Variants in CUX1 observed in about 807,000 individuals in gnomAD.
CUX1 encodes the protein cut like homeobox 1.
Under a neutral mutation model 158.8 loss-of-function variants are expected in CUX1, and 31 were observed. The ratio of observed to expected loss-of-function variants is 0.20; its 90% CI spans 0.15 to 0.26. CUX1 has a LOEUF of 0.26. Among genes scored for constraint, CUX1 ranks in the 10% least tolerant of loss-of-function variants. The pLI is 1.00. For missense variants in CUX1, 1,589 were observed against 2,014.6 expected, an observed-to-expected ratio of 0.79 and a Z score of 4.04; for synonymous variants, 879 against 862.1, an observed-to-expected ratio of 1.02 and a Z score of -0.34.
At chr7:102,101,969 T>TG (rs2130955737) in intron 5 of CUX1, among the ~76,000 whole-genome samples, 1 of 151,980 alleles carries the variant, frequency 6.6e-6, no homozygotes, top group Non-Finnish European at 1.5e-5. Flanking sequence ...TGTAGACCAT[T>TG]GACGTAGCAG....
chr7:102,195,694 G>A, intron 14 of CUX1, 91 bp downstream of exon 14: 3 of 1,175,066 alleles, frequency 2.6e-6, no homozygotes, highest in Non-Finnish European at 3.6e-6. Context: ...AGTCTGGACA[G>A]ATGCATGGCC....
chr7:102,095,911 T>A (rs1829126954), intron 4 of CUX1, among the ~76,000 whole-genome samples: 1 of 152,244 alleles, frequency 6.6e-6, no homozygotes. Context: ...TAATTGCCTC[T>A]TAGGCAGCAG....
intron 6 of CUX1, among the ~76,000 whole-genome samples, chr7:102,107,253 A>G (rs1461428308): frequency 1.3e-5 from 2 of 151,674 alleles, no homozygotes; most frequent in African/African-American, 4.8e-5. Flanking sequence ...AAGAAAAGAA[A>G]AGAGGCTGGG....
intron 5 of CUX1, among the ~76,000 whole-genome samples, chr7:102,100,138 C>G (rs1419512895): frequency 6.6e-6 from 1 of 151,962 alleles, no homozygotes; most frequent in Admixed American, 6.6e-5. Flanking sequence ...AAATTACAGG[C>G]ATGGTTGGGC....
At chr7:102,234,520 T>A (rs1355923430) in intron 22 of CUX1, among the ~76,000 whole-genome samples, 1 of 152,106 alleles carries the variant, frequency 6.6e-6, no homozygotes, top group Non-Finnish European at 1.5e-5. Context: ...GGCGCTGCAT[T>A]TGGTTTTTGT....
chr7:102,056,356 G>A (rs1395652143), intron 3 of CUX1, among the ~76,000 whole-genome samples: 2 of 152,114 alleles, frequency 1.3e-5, no homozygotes, highest in Non-Finnish European at 2.9e-5. Context: ...AATGCAGGCC[G>A]ACTCTCGTTA....
chr7:102,165,737 G>A (rs973009785), intron 9 of CUX1, among the ~76,000 whole-genome samples: 30 of 152,208 alleles, frequency 2.0e-4, no homozygotes, highest in African/African-American at 6.7e-4. Flanking sequence ...TGGGGGGCCC[G>A]TGGAACTTCT....
At chr7:101,985,540 G>T (rs553198762) in intron 2 of CUX1, among the ~76,000 whole-genome samples, 1 of 152,224 alleles carries the variant, frequency 6.6e-6, no homozygotes, top group African/African-American at 2.4e-5. Flanking sequence ...GGAGAATGCC[G>T]TGGAGACTTG....
At chr7:101,919,129 C>T (rs112849747) in intron 2 of CUX1, among the ~76,000 whole-genome samples, 1 of 152,130 alleles carries the variant, frequency 6.6e-6, no homozygotes, top group Non-Finnish European at 1.5e-5. Context: ...TGGTGGGAGT[C>T]GGGGGCTGTG....
chr7:102,249,733 A>G lies in CUX1; in HGVS notation c.*691A>G, dbSNP rs1801285758. ...AAAAAGAAAGTTTTTGTAGCTGTTC[A>G]GTTGCCACTAAGAGATTGCACAGTC... is the stretch of plus-strand genomic sequence containing the variant. On this transcript the variant is annotated 3_prime_UTR_variant, in exon 24 of 24. Coordinates refer to ENST00000292535, the MANE Select transcript of CUX1 (RefSeq NM_181552.4). 1.2e-6 allele frequency: 1 copy of G among 856,956 alleles called. No individual in the cohort carries two copies. The allele number at this position is 856,956 out of a possible 1,614,324, so 53.1% of individuals were successfully genotyped here.
intron 16 of CUX1, 28 bp downstream of exon 16, chr7:102,198,895 C>T (rs1554519028): frequency 3.7e-6 from 6 of 1,600,032 alleles, no homozygotes; most frequent in South Asian, 1.1e-5. Flanking sequence ...GTTTTCTTTG[C>T]AGTCAGTCAC....
At chr7:102,045,004 G>A (rs758568477) in intron 3 of CUX1, among the ~76,000 whole-genome samples, 52 of 152,168 alleles carry the variant, frequency 3.4e-4, no homozygotes, top group Non-Finnish European at 6.5e-4. Context: ...TGGTGGAGGT[G>A]ACAGTGGTGT....
intron 23 of CUX1, among the ~76,000 whole-genome samples, chr7:102,246,015 C>T (rs1294037015): frequency 6.6e-6 from 1 of 151,884 alleles, no homozygotes; most frequent in Non-Finnish European, 1.5e-5. Flanking sequence ...TTATTTCTCA[C>T]AGAATGCTAT....
rs1240278850 is a variant in CUX1, at chr7:102,253,944, T to G, written c.*4902T>G. ...CATTGTCCCTTCTACCTCACTAACC[T>G]GTCTTCTCCATCTGATGTCACCCAG... On this transcript the variant is annotated 3_prime_UTR_variant, in exon 24 of 24. Transcript: ENST00000292535. The G allele has an allele frequency of 2.0e-6, 2 of 985,430 alleles. No individual in the cohort carries two copies. The highest frequency in any genetic ancestry group is 3.5e-5 in the African/African-American group (2 of 57,204). 61.0% of individuals were successfully genotyped at this position (985,430 alleles called of 1,614,324 possible).
At position 102,104,353 on chromosome 7, in the gene CUX1, C is replaced by T; in HGVS notation, c.424C>T (p.Leu142Phe). Reference sequence around the variant, plus strand: ...TTCTGCAGAGGTTACGATAAAAGCACTTAAAGAGAAAATCCGAGAATATGA... The same window carrying T: ...TTCTGCAGAGGTTACGATAAAAGCATTTAAAGAGAAAATCCGAGAATATGA... ...VKNQEVTIKALKEKIREYEQT... is the reference protein window; with the variant it reads ...VKNQEVTIKAFKEKIREYEQT... Residue 142 changes from leucine (L) to phenylalanine (F), a missense_variant, in exon 6 of 24, where the codon CTT (leucine) becomes TTT (phenylalanine). Physicochemically the swap from Leu to Phe is conservative, Grantham distance 22 (BLOSUM62 0). Coordinates refer to ENST00000292535, the MANE Select transcript of CUX1 (RefSeq NM_181552.4). 6.2e-7 allele frequency: 1 copy of T among 1,607,200 alleles called. No individual in the cohort carries two copies.
At chr7:102,092,424 G>A (rs797035590) in intron 4 of CUX1, among the ~76,000 whole-genome samples, 4 of 152,230 alleles carry the variant, frequency 2.6e-5, no homozygotes, top group African/African-American at 9.6e-5. Context: ...GGCCTTCCCT[G>A]TCCCCTTGTC....
chr7:102,257,626 T>C lies in CUX1; in HGVS notation c.*8584T>C, dbSNP rs1790036832. Reference sequence around the variant, plus strand: ...GCCTTGAGAGCGGGTAGCACCACGCTCCTGTCCAGACTACTAACAGCACAA... The same window carrying C: ...GCCTTGAGAGCGGGTAGCACCACGCCCCTGTCCAGACTACTAACAGCACAA... On this transcript the variant is annotated 3_prime_UTR_variant, in exon 24 of 24. Transcript: ENST00000292535. The C allele has an allele frequency of 1.0e-6, 1 of 985,246 alleles. No individual in the cohort carries two copies. Among genetic ancestry groups the C allele is most frequent in the South Asian group, 4.7e-5 (1 of 21,286 alleles). 61.0% of individuals were successfully genotyped at this position (985,246 alleles called of 1,614,324 possible).
intron 3 of CUX1, among the ~76,000 whole-genome samples, chr7:102,034,000 G>A (rs1227720868): frequency 6.6e-6 from 1 of 151,748 alleles, no homozygotes; most frequent in East Asian, 1.9e-4. Context: ...ATAAAAATTA[G>A]CCGGGAGTGG....
intron 21 of CUX1, among the ~76,000 whole-genome samples, chr7:102,232,484 C>T (rs1358807411): frequency 6.6e-6 from 1 of 152,184 alleles, no homozygotes; most frequent in African/African-American, 2.4e-5. Flanking sequence ...CCTCTGTCGT[C>T]TCCCTGCCCC....
Sources: allele counts gnomAD v4.1 joint callset (sites outside exome capture counted in the v4.1 genomes callset), GRCh38; gene constraint gnomAD v4.1.1; transcripts MANE v1.5; gene names NCBI Gene and HGNC (gene_info 2026-07-23, HGNC 2026-07-21).